KHDC1: variants seen among roughly 807,000 people sequenced by gnomAD.
KHDC1 encodes the protein KH homology domain-containing protein 1.
Under a neutral mutation model 24.7 loss-of-function variants are expected in KHDC1, and 21 were observed. That is an observed-to-expected ratio of 0.85 (90% confidence interval 0.60 to 1.23). The LOEUF is 1.23. Among genes scored for constraint, KHDC1 ranks in the 50% most tolerant of loss-of-function variants. The probability of loss-of-function intolerance (pLI) is 0.00; values close to 1 mark genes in which losing one functional copy is unlikely to be tolerated. For missense variants in KHDC1, 274 were observed against 298.5 expected (o/e 0.92, Z 0.61); for synonymous variants, 98 against 111.7 (o/e 0.88, Z 0.77).
intron 2 of KHDC1, among the ~76,000 whole-genome samples, chr6:73,289,525 C>T (rs1767597102): frequency 6.6e-6 from 1 of 151,774 alleles, no homozygotes; most frequent in African/African-American, 2.4e-5. Context: ...GTGGCTCATG[C>T]CTGTAATCCC....
chr6:73,241,689 G>C, exon 5 of KHDC1: 2 of 1,614,144 alleles, frequency 1.2e-6, no homozygotes, highest in Non-Finnish European at 8.5e-7. Context: ...GTCATCGTTG[G>C]TCAGAGGCTG....
At chr6:73,246,359 T>G (rs1766664729) in intron 2 of KHDC1, among the ~76,000 whole-genome samples, 3 of 152,320 alleles carry the variant, frequency 2.0e-5, no homozygotes, top group South Asian at 4.1e-4. Flanking sequence ...CTTGAAAAAT[T>G]CTAGTTTACA....
chr6:73,271,586 A>C (rs763868041), intron 2 of KHDC1, among the ~76,000 whole-genome samples: 6 of 151,970 alleles, frequency 3.9e-5, no homozygotes, highest in Admixed American at 6.6e-5. Flanking sequence ...TGTAATAATG[A>C]ATAGCCATTA....
At chr6:73,261,509 C>A (rs2054042) in intron 2 of KHDC1, among the ~76,000 whole-genome samples, 9,956 of 152,066 alleles carry the variant, frequency 0.065, 340 homozygotes, top group East Asian at 0.13. Flanking sequence ...GTGGCTCACA[C>A]CTGTAATCCC....
intron 2 of KHDC1, chr6:73,263,110 A>T: frequency 9.9e-7 from 1 of 1,007,922 alleles, no homozygotes; most frequent in Non-Finnish European, 1.2e-6. Flanking sequence ...TTGTGAGGAG[A>T]CAGCGGTACC....
At chr6:73,241,497 A>G (rs373479803) in exon 5 of KHDC1, 2 of 1,602,510 alleles carry the variant, frequency 1.2e-6, no homozygotes, top group African/African-American at 2.7e-5. Flanking sequence ...TTCTCCTCTC[A>G]TCCCCACTTC....
chr6:73,245,647 T>C (rs1233475528), intron 2 of KHDC1, among the ~76,000 whole-genome samples: 1 of 152,226 alleles, frequency 6.6e-6, no homozygotes, highest in East Asian at 1.9e-4. Flanking sequence ...TTCATTTTTT[T>C]CCTTCTAATT....
chr6:73,307,196 G>A (rs962293888), intron 1 of KHDC1, among the ~76,000 whole-genome samples: 2 of 152,098 alleles, frequency 1.3e-5, no homozygotes, highest in African/African-American at 4.8e-5. Context: ...CCAGGAGGCT[G>A]AGGCGGGTGG....
At chr6:73,263,163 G>C (rs1767016590) in intron 2 of KHDC1, 1 of 987,000 alleles carries the variant, frequency 1.0e-6, no homozygotes, top group African/African-American at 1.7e-5. Flanking sequence ...CCCGGCTCGC[G>C]CCGCGGCCGC....
chr6:73,292,596 C>G, intron 1 of KHDC1: 1 of 763,036 alleles, frequency 1.3e-6, no homozygotes, highest in Non-Finnish European at 2.5e-6. Context: ...CAGCAGAGAG[C>G]ATGGCTCGTT....
At chr6:73,294,270 A>G (rs1390139545) in intron 1 of KHDC1, among the ~76,000 whole-genome samples, 3 of 152,202 alleles carry the variant, frequency 2.0e-5, no homozygotes, top group African/African-American at 4.8e-5. Context: ...TAAACAGCAT[A>G]AAGAAGTGCC....
intron 2 of KHDC1, among the ~76,000 whole-genome samples, chr6:73,279,939 T>C (rs1767374190): frequency 6.6e-6 from 1 of 152,164 alleles, no homozygotes; most frequent in Non-Finnish European, 1.5e-5. Flanking sequence ...ATTTTGTTAT[T>C]TTGTATGTGA....
chr6:73,245,697 T>C (rs1766652248), intron 2 of KHDC1, among the ~76,000 whole-genome samples: 1 of 152,206 alleles, frequency 6.6e-6, no homozygotes, highest in African/African-American at 2.4e-5. Flanking sequence ...GTGTTTATTA[T>C]TGTTAAAAGG....
At chr6:73,293,356 C>T in intron 1 of KHDC1, 1 of 463,670 alleles carries the variant, frequency 2.2e-6, no homozygotes, top group South Asian at 2.1e-5. Flanking sequence ...GGGTGACTTA[C>T]ATTTTGGAAA....
intron 1 of KHDC1, among the ~76,000 whole-genome samples, chr6:73,308,790 C>T (rs1472758643): frequency 6.6e-6 from 1 of 152,052 alleles, no homozygotes; most frequent in African/African-American, 2.4e-5. Flanking sequence ...CCACCGCACC[C>T]GGTAGAGTTT....
chr6:73,271,265 T>C (rs1217456092), intron 2 of KHDC1, among the ~76,000 whole-genome samples: 1 of 151,934 alleles, frequency 6.6e-6, no homozygotes, highest in Admixed American at 6.6e-5. Flanking sequence ...TGGAGTGCAG[T>C]GGCACAATCT....
At position 73,293,963 on chromosome 6, in the gene KHDC1, G is replaced by A. The variant is rs528427945; in HGVS notation, c.164-1923C>T. Among the ~76,000 whole-genome samples, 10 of 143,166 alleles carry A rather than the reference G, an allele frequency of 7.0e-5. No individual in the cohort carries two copies. The East Asian group carries it at 1.9e-3, about 27-fold the overall frequency. 93.9% of individuals were successfully genotyped at this position (143,166 alleles called of 152,430 possible). On this transcript the variant is annotated intron_variant, in intron 1 of 4. Transcript: ENST00000370384. Reference sequence around the variant, plus strand: ...AGATGTTGCAGTGAGCCAAGATCACGCCATTGCACTCCAGCCTGGGCAACA... The same window carrying A: ...AGATGTTGCAGTGAGCCAAGATCACACCATTGCACTCCAGCCTGGGCAACA...
intron 2 of KHDC1, among the ~76,000 whole-genome samples, chr6:73,278,908 G>A (rs982612257): frequency 2.6e-5 from 4 of 152,248 alleles, no homozygotes; most frequent in African/African-American, 9.6e-5. Context: ...ATCAAATAAC[G>A]TTTTTCCTGC....
chr6:73,309,718 G>A (rs1164822006), exon 1 of KHDC1: 4 of 1,549,894 alleles, frequency 2.6e-6, no homozygotes, highest in African/African-American at 1.4e-5. Flanking sequence ...ACAGCATTTC[G>A]CGTTTCTGGC....
Sources: gnomAD v4.1 joint callset for allele counts (sites outside exome capture counted in the v4.1 genomes callset) on GRCh38, gnomAD v4.1.1 for gene constraint, MANE v1.5 for transcripts, NCBI Gene and HGNC (gene_info 2026-07-23, HGNC 2026-07-21) for gene names.